FAAH2: variants seen among roughly 807,000 people sequenced by gnomAD.
FAAH2 encodes fatty acid amide hydrolase 2.
A neutral mutation model predicts 36.9 loss-of-function variants in FAAH2; 60 were observed. The observed-to-expected ratio is 1.63, with a 90% confidence interval of 1.32 to 2.02. FAAH2 has a LOEUF of 2.02. Among genes scored for constraint, FAAH2 ranks in the 30% most tolerant of loss-of-function variants. The pLI is 0.00. For missense variants in FAAH2, 689 were observed against 397.5 expected, an observed-to-expected ratio of 1.73 and a Z score of -6.23; for synonymous variants, 214 against 143.8, an observed-to-expected ratio of 1.49 and a Z score of -3.49.
chrX:57,154,267 CTTT>C, the FAAH2 span, among the ~76,000 whole-genome samples: 5 of 95,003 alleles, frequency 5.3e-5, no homozygotes, highest in African/African-American at 3.8e-5. Context: ...TATGTTGTAT[CTTT>C]TTTTTTTTTT....
At chrX:57,321,555 T>A (rs1031648248) in intron 3 of FAAH2, among the ~76,000 whole-genome samples, 3 of 110,330 alleles carry the variant, frequency 2.7e-5, no homozygotes, top group Non-Finnish European at 5.7e-5. Flanking sequence ...AAAAAATAGG[T>A]TTCCAATTGA....
the FAAH2 span, among the ~76,000 whole-genome samples, chrX:57,206,516 CTG>C: frequency 3.6e-4 from 40 of 112,102 alleles, no homozygotes; most frequent in Non-Finnish European, 7.0e-4. Flanking sequence ...TAATGTAACA[CTG>C]TGAAAATTTT....
Position 57,331,833 on chromosome X carries a change from T to C in FAAH2, c.622+26T>C, listed in dbSNP as rs757508079. On this transcript the variant is annotated intron_variant, in intron 4 of 10. Coordinates refer to ENST00000374900, the MANE Select transcript of FAAH2 (RefSeq NM_174912.4). ...GTGAGTTGGACATTTTAGTATGGCA[T>C]GAATAGCTATGCTAACAATAATAAT... The C allele has an allele frequency of 2.7e-6, 3 of 1,110,901 alleles. No individual in the cohort carries two copies. In the South Asian group the frequency reaches 5.5e-5, roughly 20 times the overall value. 91.6% of individuals were successfully genotyped at this position (1,110,901 alleles called of 1,213,427 possible).
chrX:57,477,361 C>A (rs1195059064), intron 10 of FAAH2, among the ~76,000 whole-genome samples: 6 of 110,760 alleles, frequency 5.4e-5, no homozygotes, highest in Non-Finnish European at 1.1e-4. Flanking sequence ...GTAATGGGTA[C>A]AGCTTTTAAT....
At chrX:57,456,742 G>A (rs1222190588) in intron 10 of FAAH2, among the ~76,000 whole-genome samples, 3 of 110,868 alleles carry the variant, frequency 2.7e-5, no homozygotes, top group African/African-American at 9.8e-5. Flanking sequence ...ATAGAATCAG[G>A]GATAAAAGTG....
At chrX:57,198,796 C>T in the FAAH2 span, among the ~76,000 whole-genome samples, 11,066 of 111,714 alleles carry the variant, frequency 0.099, 1,290 homozygotes, top group African/African-American at 0.33. Flanking sequence ...GCTTCTTCTT[C>T]TACTTTTATA....
At chrX:57,199,058 A>C in the FAAH2 span, among the ~76,000 whole-genome samples, 2 of 108,975 alleles carry the variant, frequency 1.8e-5, no homozygotes, top group Non-Finnish European at 3.8e-5. Context: ...AAAGTTCAGA[A>C]TGTGAGTCTC....
chrX:57,347,577 G>A (rs1292289421), intron 5 of FAAH2, among the ~76,000 whole-genome samples: 1 of 82,394 alleles, frequency 1.2e-5, no homozygotes, highest in South Asian at 5.3e-4. Context: ...AGGCTAGTTT[G>A]TTTATTTGGA....
chrX:57,137,274 T>C, the FAAH2 span: 12 of 760,016 alleles, frequency 1.6e-5, no homozygotes, highest in East Asian at 1.5e-4. Flanking sequence ...ATGCTGCCTC[T>C]GCTGTGAGCC....
intron 10 of FAAH2, among the ~76,000 whole-genome samples, chrX:57,460,409 A>G (rs2056937330): frequency 8.9e-6 from 1 of 111,820 alleles, no homozygotes; most frequent in Non-Finnish European, 1.9e-5. Context: ...AGCTAGAGAG[A>G]AAGGTCAGGT....
At chrX:57,148,043 T>C in the FAAH2 span, among the ~76,000 whole-genome samples, 1 of 111,346 alleles carries the variant, frequency 9.0e-6, no homozygotes, top group African/African-American at 3.3e-5. Flanking sequence ...AGCTGTTGGA[T>C]ACAATGTTGT....
chrX:57,196,130 T>C, the FAAH2 span, among the ~76,000 whole-genome samples: 1 of 112,114 alleles, frequency 8.9e-6, no homozygotes, highest in Non-Finnish European at 1.9e-5. Context: ...TTTCTAGTTC[T>C]GTGAAGAATG....
the FAAH2 span, among the ~76,000 whole-genome samples, chrX:57,189,037 T>G: frequency 3.6e-5 from 4 of 111,676 alleles, no homozygotes; most frequent in East Asian, 1.1e-3. Flanking sequence ...AATTGTAGGT[T>G]TGGTCTTTTC....
At chrX:57,285,028 A>T (rs2051790485), upstream of FAAH2, among the ~76,000 whole-genome samples, 3 of 112,420 alleles carry the variant, frequency 2.7e-5, no homozygotes, top group Admixed American at 2.8e-4. Flanking sequence ...AAATATTTTC[A>T]TTTTGACAAA....
At chrX:57,252,142 T>C in the FAAH2 span, among the ~76,000 whole-genome samples, 22 of 112,539 alleles carry the variant, frequency 2.0e-4, no homozygotes, top group Admixed American at 2.0e-3. Context: ...GAGATTAACC[T>C]GGGATGCTGA....
At chrX:57,229,330 G>A in the FAAH2 span, 2 of 111,297 alleles carry the variant, frequency 1.8e-5, no homozygotes, top group Non-Finnish European at 3.8e-5. Flanking sequence ...CACAATGGAC[G>A]GCATCATTCC....
chrX:57,350,009 A>T (rs1302677782), intron 5 of FAAH2, among the ~76,000 whole-genome samples: 1 of 110,741 alleles, frequency 9.0e-6, no homozygotes, highest in Admixed American at 9.6e-5. Context: ...CAGCAAGAGA[A>T]AGTCATCTAT....
At chrX:57,125,871 G>GA in the FAAH2 span, among the ~76,000 whole-genome samples, 1 of 111,250 alleles carries the variant, frequency 9.0e-6, no homozygotes, top group East Asian at 2.8e-4. Context: ...GTTTGAAAAA[G>GA]AAAAAAATGT....
the FAAH2 span, among the ~76,000 whole-genome samples, chrX:57,228,296 C>T: frequency 9.0e-6 from 1 of 111,238 alleles, no homozygotes; most frequent in African/African-American, 3.3e-5. Flanking sequence ...GCTTGGGGAT[C>T]CAGCGAGCTC....
Sources: gnomAD v4.1 joint callset for allele counts (sites outside exome capture counted in the v4.1 genomes callset) on GRCh38, gnomAD v4.1.1 for gene constraint, MANE v1.5 for transcripts, NCBI Gene and HGNC (gene_info 2026-07-23, HGNC 2026-07-21) for gene names.